The following PCOLCE2 variants were observed in gnomAD, a reference collection of about 807,000 sequenced individuals.
PCOLCE2 encodes procollagen C-endopeptidase enhancer 2, also known as procollagen C-proteinase enhancer 2.
A neutral mutation model predicts 47.0 loss-of-function variants in PCOLCE2; 42 were observed. That is an observed-to-expected ratio of 0.89 (90% CI 0.70 to 1.16). The LOEUF is 1.16. PCOLCE2 is among the 50% of genes most tolerant of loss of function. PCOLCE2 has a pLI of 0.00. For synonymous variants in PCOLCE2, 169 were observed against 191.7 expected (o/e 0.88, Z 0.98); for missense variants, 500 against 526.1 (o/e 0.95, Z 0.49).
chr3:142,854,339 C>T (rs1198656478), intron 2 of PCOLCE2, among the ~76,000 whole-genome samples: 1 of 24,024 alleles, frequency 4.2e-5, no homozygotes, highest in African/African-American at 1.3e-4. Flanking sequence ...AGTTGATCTA[C>T]GTAAAGCTCG....
chr3:142,852,466 G>A (rs145416628), intron 2 of PCOLCE2, among the ~76,000 whole-genome samples: 9 of 152,020 alleles, frequency 5.9e-5, no homozygotes, highest in African/African-American at 2.2e-4. Flanking sequence ...TACCAACCAC[G>A]AAATTGACTT....
intron 6 of PCOLCE2, among the ~76,000 whole-genome samples, chr3:142,824,986 T>C (rs960695623): frequency 6.6e-6 from 1 of 152,180 alleles, no homozygotes; most frequent in Non-Finnish European, 1.5e-5. Flanking sequence ...CTGAAGCAGA[T>C]GGCAATATTA....
At chr3:142,844,591 G>C (rs1481780901) in intron 3 of PCOLCE2, among the ~76,000 whole-genome samples, 1 of 152,106 alleles carries the variant, frequency 6.6e-6, no homozygotes, top group Non-Finnish European at 1.5e-5. Flanking sequence ...CAACATGGTG[G>C]GTAAGTAATG....
At chr3:142,863,096 CAAAAAAAA>C (rs35383176) in intron 2 of PCOLCE2, among the ~76,000 whole-genome samples, 9 of 85,994 alleles carry the variant, frequency 1.0e-4, no homozygotes, top group South Asian at 4.5e-4. Flanking sequence ...GTCTGGCAGG[CAAAAAAAA>C]AAAAAAAAAA....
chr3:142,866,712 G>A (rs1005936404), intron 2 of PCOLCE2, among the ~76,000 whole-genome samples: 4 of 152,030 alleles, frequency 2.6e-5, no homozygotes, highest in Admixed American at 2.6e-4. Context: ...TATATTACAG[G>A]AGTTATTAAG....
chr3:142,826,399 C>T (rs989314322), intron 6 of PCOLCE2, among the ~76,000 whole-genome samples: 14 of 152,288 alleles, frequency 9.2e-5, no homozygotes, highest in African/African-American at 3.4e-4. Context: ...TACCATCTCT[C>T]TTCTTTTCCT....
intron 2 of PCOLCE2, among the ~76,000 whole-genome samples, chr3:142,879,508 T>C (rs540861788): frequency 6.6e-6 from 1 of 152,306 alleles, no homozygotes; most frequent in East Asian, 1.9e-4. Flanking sequence ...TTAGAAAAAC[T>C]GGACTGAGGC....
At chr3:142,850,431 G>C (rs1937376843) in intron 2 of PCOLCE2, among the ~76,000 whole-genome samples, 1 of 152,156 alleles carries the variant, frequency 6.6e-6, no homozygotes, top group Admixed American at 6.6e-5. Context: ...AAAGGAAGAG[G>C]TCTAAGTATA....
At chr3:142,878,340 G>A (rs948694512) in intron 2 of PCOLCE2, among the ~76,000 whole-genome samples, 33 of 152,122 alleles carry the variant, frequency 2.2e-4, no homozygotes, top group African/African-American at 7.5e-4. Flanking sequence ...TCTCGTGATC[G>A]ACCAAATAAT....
At chr3:142,836,420 T>G (rs1937204723) in intron 5 of PCOLCE2, among the ~76,000 whole-genome samples, 1 of 152,354 alleles carries the variant, frequency 6.6e-6, no homozygotes, top group Non-Finnish European at 1.5e-5. Context: ...TTCCAGGAAC[T>G]GGCACATGCC....
At chr3:142,827,245 C>T (rs1259011971) in intron 6 of PCOLCE2, 3 of 1,218,822 alleles carry the variant, frequency 2.5e-6, no homozygotes, top group Non-Finnish European at 2.4e-6. Context: ...CAAAAGGATG[C>T]TCCATAGGGT....
At chr3:142,853,189 GAGA>G (rs967399153) in intron 2 of PCOLCE2, among the ~76,000 whole-genome samples, 2 of 151,670 alleles carry the variant, frequency 1.3e-5, no homozygotes, top group African/African-American at 4.8e-5. Flanking sequence ...TGAGGAAGAA[GAGA>G]AGAAGGAAAA....
At chr3:142,853,551 T>C (rs934333477) in intron 2 of PCOLCE2, among the ~76,000 whole-genome samples, 2 of 152,220 alleles carry the variant, frequency 1.3e-5, no homozygotes, top group Admixed American at 1.3e-4. Context: ...CATTAGGTAC[T>C]CAATGAATCA....
intron 6 of PCOLCE2, among the ~76,000 whole-genome samples, chr3:142,824,621 C>CTGTTAATTTATTA (rs144357603): frequency 0.035 from 5,346 of 152,142 alleles, 325 homozygotes; most frequent in African/African-American, 0.12. Flanking sequence ...ACCAACTCCT[C>CTGTTAATTTATTA]TGTTAATTTA....
chr3:142,821,389 A>C (rs1937012928), intron 7 of PCOLCE2, among the ~76,000 whole-genome samples: 1 of 152,176 alleles, frequency 6.6e-6, no homozygotes, highest in African/African-American at 2.4e-5. Flanking sequence ...CTACCTGTGA[A>C]TACTCAAAAA....
At chr3:142,843,957 G>A (rs1039873350) in intron 3 of PCOLCE2, among the ~76,000 whole-genome samples, 13 of 151,992 alleles carry the variant, frequency 8.6e-5, no homozygotes, top group African/African-American at 3.1e-4. Context: ...AAAGTAAGTA[G>A]AATAATATAA....
chr3:142,841,074 CAA>C (rs59679467), intron 4 of PCOLCE2, among the ~76,000 whole-genome samples: 14 of 93,590 alleles, frequency 1.5e-4, no homozygotes, highest in Non-Finnish European at 1.1e-4. Flanking sequence ...GACTCCGTCT[CAA>C]AAAAAAAAAA....
intron 2 of PCOLCE2, among the ~76,000 whole-genome samples, chr3:142,856,078 C>T (rs1460502249): frequency 6.6e-6 from 1 of 152,134 alleles, no homozygotes; most frequent in Non-Finnish European, 1.5e-5. Flanking sequence ...TAGGAATCAA[C>T]AGTGTGACGT....
At chr3:142,843,247 G>A in intron 3 of PCOLCE2, 199 bp from the exon 4 acceptor site, 1 of 660,318 alleles carries the variant, frequency 1.5e-6, no homozygotes, top group East Asian at 3.0e-5. Context: ...TTTGTTACCT[G>A]ACATAGCATA....
Sources: allele counts gnomAD v4.1 joint callset (sites outside exome capture counted in the v4.1 genomes callset), GRCh38; gene constraint gnomAD v4.1.1; transcripts MANE v1.5; gene names NCBI Gene and HGNC (gene_info 2026-07-23, HGNC 2026-07-21).